ERC1: variants seen among roughly 807,000 people sequenced by gnomAD.
The protein encoded by ERC1 is RAB6 interacting protein 2.
ERC1 carries 56 observed loss-of-function variants against 132.0 expected under a neutral mutation model. The observed-to-expected ratio is 0.42, with a 90% CI of 0.34 to 0.53. The LOEUF is 0.53. Ranked by LOEUF, ERC1 falls within the 20% of genes least tolerant of loss-of-function variation. The pLI, the probability that ERC1 is intolerant of heterozygous loss-of-function variation, is 0.03. For missense variants in ERC1, 1,202 were observed against 1,349.9 expected (o/e 0.89, Z 1.72); for synonymous variants, 478 against 476.1 (o/e 1.00, Z -0.05).
intron 16 of ERC1, among the ~76,000 whole-genome samples, chr12:1,379,353 GT>G (rs1168369114): frequency 6.6e-6 from 1 of 152,182 alleles, no homozygotes; most frequent in Non-Finnish European, 1.5e-5. Flanking sequence ...CCAGTAACAA[GT>G]TCCTTGCTTC....
At chr12:1,358,499 A>C (rs1307282858) in intron 15 of ERC1, among the ~76,000 whole-genome samples, 1 of 152,134 alleles carries the variant, frequency 6.6e-6, no homozygotes, top group African/African-American at 2.4e-5. Context: ...GTAATACCTT[A>C]ATGTTGGTCT....
chr12:1,180,320 CTTTTTT>C (rs1324863818), intron 8 of ERC1, among the ~76,000 whole-genome samples: 1 of 150,740 alleles, frequency 6.6e-6, no homozygotes, highest in Non-Finnish European at 1.5e-5. Context: ...CACATGTGTA[CTTTTTT>C]TTGTTTTGCC....
Position 1,289,914 on chromosome 12 carries a change from G to A in ERC1, c.2682G>A (p.Lys894=). The change falls in exon 15 of 19, where the codon AAG becomes AAA. Residue 894 remains lysine, a synonymous_variant. Coordinates refer to ENST00000360905, the MANE Select transcript of ERC1 (RefSeq NM_178040.4). The stretch of plus-strand genomic sequence containing the variant: ...AGGAACTAGAATCCATGAAAGCAAA[G>A]CTGTCCTCCACCCAGCAGTCTCTGG... ...VKQELESMKA[K]LSSTQQSLAE... The A allele has an allele frequency of 6.2e-7, 1 of 1,613,980 alleles. No homozygotes were observed. Among genetic ancestry groups the A allele is most frequent in the Non-Finnish European group, 8.5e-7 (1 of 1,179,878 alleles).
At chr12:1,466,928 C>T (rs1401512429) in intron 18 of ERC1, among the ~76,000 whole-genome samples, 1 of 152,170 alleles carries the variant, frequency 6.6e-6, no homozygotes. Context: ...AAAAGACCAC[C>T]TAGGCACAAA....
intron 1 of ERC1, among the ~76,000 whole-genome samples, chr12:1,005,833 A>G (rs1239183238): frequency 6.6e-6 from 1 of 152,158 alleles, no homozygotes; most frequent in Non-Finnish European, 1.5e-5. Context: ...GTATATTTTA[A>G]ATCATCAATC....
chr12:1,115,828 A>C, intron 6 of ERC1, 38 bp from the exon 7 acceptor site: 3 of 1,575,812 alleles, frequency 1.9e-6, no homozygotes, highest in Non-Finnish European at 2.6e-6. Flanking sequence ...TGTTTGTTTT[A>C]TTTCTTTTTT....
chr12:1,447,949 C>T (rs1462343783), intron 18 of ERC1, among the ~76,000 whole-genome samples: 1 of 152,170 alleles, frequency 6.6e-6, no homozygotes, highest in Non-Finnish European at 1.5e-5. Flanking sequence ...CATGCCTGCC[C>T]AGCTTGTCTT....
intron 15 of ERC1, among the ~76,000 whole-genome samples, chr12:1,371,377 A>G (rs544098737): frequency 1.2e-4 from 19 of 152,340 alleles, no homozygotes; most frequent in Non-Finnish European, 2.4e-4. Flanking sequence ...ATTTAGAGTC[A>G]CATTCGCCTG....
intron 12 of ERC1, among the ~76,000 whole-genome samples, chr12:1,211,726 A>AT (rs570942559): frequency 0.039 from 5,471 of 140,758 alleles, 109 homozygotes; most frequent in East Asian, 0.075. Context: ...CGCCCAGCTA[A>AT]TTTTTTTTTT....
chr12:1,072,131 C>T (rs1940504070), intron 2 of ERC1, among the ~76,000 whole-genome samples: 1 of 151,264 alleles, frequency 6.6e-6, no homozygotes, highest in Admixed American at 6.6e-5. Context: ...GTAAAGTCAG[C>T]TGAAGTGATA....
intron 8 of ERC1, among the ~76,000 whole-genome samples, chr12:1,177,540 A>C (rs557886787): frequency 3.9e-5 from 6 of 152,312 alleles, no homozygotes; most frequent in African/African-American, 1.4e-4. Flanking sequence ...GGGAGAGAGA[A>C]GAGGGAATGA....
intron 15 of ERC1, among the ~76,000 whole-genome samples, chr12:1,320,412 A>G (rs76983919): frequency 0.068 from 10,282 of 152,174 alleles, 443 homozygotes; most frequent in East Asian, 0.13. Flanking sequence ...TTTATATTTG[A>G]GATATCTTTC....
At chr12:1,101,559 CTGAT>C (rs1456530444) in intron 3 of ERC1, among the ~76,000 whole-genome samples, 2 of 152,130 alleles carry the variant, frequency 1.3e-5, no homozygotes, top group Non-Finnish European at 2.9e-5. Context: ...ACGAATGTGT[CTGAT>C]TGAGGTGATT....
chr12:1,463,431 G>T (rs374760454), intron 18 of ERC1, among the ~76,000 whole-genome samples: 2 of 152,282 alleles, frequency 1.3e-5, no homozygotes, highest in African/African-American at 2.4e-5. Context: ...AAAGAAGAAT[G>T]GTTCTTTGTG....
At chr12:1,029,801 A>G (rs1187540466) in intron 2 of ERC1, among the ~76,000 whole-genome samples, 1 of 134,462 alleles carries the variant, frequency 7.4e-6, no homozygotes, top group Non-Finnish European at 1.5e-5. Flanking sequence ...AGGCTGAAGT[A>G]CAGTGACGCA....
At chr12:1,162,151 C>T (rs1320322871) in intron 8 of ERC1, among the ~76,000 whole-genome samples, 1 of 152,148 alleles carries the variant, frequency 6.6e-6, no homozygotes, top group Non-Finnish European at 1.5e-5. Flanking sequence ...GAGAATGAAA[C>T]GAGACAATAG....
rs140253571 is a variant in ERC1 at position 1,158,643 on chromosome 12, G to A, written c.1737+16856G>A. Among the ~76,000 whole-genome samples, 1,303 of 150,876 alleles carry A rather than the reference G, an allele frequency of 8.6e-3. 16 individuals are homozygous for A. The highest frequency in any genetic ancestry group is 0.03 in the African/African-American group (1,215 of 41,140). On this transcript the variant is annotated intron_variant, in intron 8 of 18. Transcript: ENST00000360905. ...TTTTTTTATAGTTTTAGTAGAGATGGGGTTTCTCCATGTTGGTCAGGCTGG... is the reference window on the plus strand; with the variant it reads ...TTTTTTTATAGTTTTAGTAGAGATGAGGTTTCTCCATGTTGGTCAGGCTGG...
At chr12:1,247,718 C>T (rs1225946607) in intron 13 of ERC1, among the ~76,000 whole-genome samples, 2 of 152,128 alleles carry the variant, frequency 1.3e-5, no homozygotes, top group South Asian at 2.1e-4. Context: ...CTGATCAGGC[C>T]GGGCACGGTG....
intron 12 of ERC1, among the ~76,000 whole-genome samples, chr12:1,229,796 ATTTC>A (rs1267854130): frequency 2.0e-5 from 3 of 151,668 alleles, no homozygotes; most frequent in Non-Finnish European, 4.4e-5. Flanking sequence ...TCTCCCATTT[ATTTC>A]TTTATTATTT....
Sources: gnomAD v4.1 joint callset for allele counts (sites outside exome capture counted in the v4.1 genomes callset) on GRCh38, gnomAD v4.1.1 for gene constraint, MANE v1.5 for transcripts, NCBI Gene and HGNC (gene_info 2026-07-23, HGNC 2026-07-21) for gene names.